The following BRCA1 variants were observed in gnomAD, a reference collection of about 807,000 sequenced individuals.
The protein encoded by BRCA1 is BRCA1 DNA repair associated, also known as breast cancer type 1 susceptibility protein.
A neutral mutation model predicts 173.7 loss-of-function variants in BRCA1; 140 were observed. That is an observed-to-expected ratio of 0.81 (90% CI 0.70 to 0.93). The LOEUF (loss-of-function observed/expected upper bound fraction) is 0.93. BRCA1 is among the 40% of genes least tolerant of loss of function. BRCA1 has a pLI of 0.00. For missense variants in BRCA1, 1,983 were observed against 2,172.5 expected (o/e 0.91, Z 1.73); for synonymous variants, 662 against 756.0 (o/e 0.88, Z 2.04).
chr17:43,169,896 C>T (rs1375815239), intron 1 of BRCA1: 3 of 433,948 alleles, frequency 6.9e-6, no homozygotes, highest in South Asian at 1.8e-5. Context: ...CTCTACACTG[C>T]AGATGTGGCT....
intron 1 of BRCA1, among the ~76,000 whole-genome samples, chr17:43,150,655 ACATGAATATTCACCTCACC>A (rs2056154756): frequency 6.6e-6 from 1 of 152,042 alleles, no homozygotes; most frequent in Admixed American, 6.5e-5. Flanking sequence ...CTGAATTCAA[ACATGAATATTCACCTCACC>A]CAGTCCTCTG....
At chr17:43,050,479 G>A (rs1009406314) in intron 20 of BRCA1, among the ~76,000 whole-genome samples, 1 of 151,908 alleles carries the variant, frequency 6.6e-6, no homozygotes, top group Non-Finnish European at 1.5e-5. Flanking sequence ...CGGGCGTGGT[G>A]GCACACGCCT....
At chr17:43,145,986 G>T (rs1158952214) in intron 1 of BRCA1, among the ~76,000 whole-genome samples, 1 of 152,018 alleles carries the variant, frequency 6.6e-6, no homozygotes, top group African/African-American at 2.4e-5. Context: ...TAGTAGAATT[G>T]TTTCCTAAAG....
At chr17:43,066,071 C>T (rs1438482204) in intron 16 of BRCA1, among the ~76,000 whole-genome samples, 2 of 152,174 alleles carry the variant, frequency 1.3e-5, no homozygotes, top group East Asian at 3.8e-4. Flanking sequence ...TTGGAGAATA[C>T]AGTGGGGCTC....
chr17:43,141,543 C>T (rs138938202), intron 1 of BRCA1, among the ~76,000 whole-genome samples: 212 of 152,098 alleles, frequency 1.4e-3, no homozygotes, highest in African/African-American at 4.4e-3. Context: ...TCACCGGGCA[C>T]GGTGGCTCAC....
In BRCA1 at chr17:43,099,795, G is replaced by A. The variant is rs587782747; in HGVS notation, c.527C>T (p.Thr176Met). The change falls in exon 7 of 23, where the codon ACG becomes ATG. Residue 176 changes from threonine (T) to methionine (M), a missense_variant. Coordinates refer to ENST00000357654, the MANE Select transcript of BRCA1 (RefSeq NM_007294.4). ...CTTACCCAATTCAATGTAGACAGAC[G>A]TCTTTTGAGGTTGTATCCGCTGCTT... ...RTKQRIQPQKTSVYIELGSDS... is the reference protein window; with the variant it reads ...RTKQRIQPQKMSVYIELGSDS... 4 of 1,610,728 alleles carry A rather than the reference G, an allele frequency of 2.5e-6. No homozygotes were observed. The highest frequency in any genetic ancestry group is 2.2e-5 in the South Asian group (2 of 91,004).
chr17:43,143,682 C>A (rs1237290413), intron 1 of BRCA1, among the ~76,000 whole-genome samples: 2 of 152,116 alleles, frequency 1.3e-5, no homozygotes, highest in Non-Finnish European at 2.9e-5. Flanking sequence ...ATCCTTGCGC[C>A]TTCTGCAGCA....
intron 2 of BRCA1, among the ~76,000 whole-genome samples, chr17:43,121,444 G>A (rs549537973): frequency 2.6e-5 from 4 of 151,900 alleles, no homozygotes; most frequent in South Asian, 4.1e-4. Flanking sequence ...CAGCACTTTC[G>A]GAGGCCAAGG....
upstream of BRCA1, among the ~76,000 whole-genome samples, chr17:43,127,742 C>T (rs989549914): frequency 5.9e-5 from 9 of 151,912 alleles, no homozygotes; most frequent in African/African-American, 9.7e-5. Flanking sequence ...CAGGCTGCCC[C>T]GCTGGGTGCC....
At position 43,092,415 on chromosome 17, in the gene BRCA1, G is replaced by A. The variant is rs1173254670; in HGVS notation, c.3116C>T (p.Ala1039Val). The A allele has an allele frequency of 6.2e-7, 1 of 1,613,630 alleles. No homozygotes were observed. Among genetic ancestry groups the A allele is most frequent in the Non-Finnish European group, 8.5e-7 (1 of 1,179,962 alleles). The change falls in exon 10 of 23, where the codon GCC becomes GTC. Residue 1039 changes from alanine (A) to valine (V), a missense_variant. By Grantham distance (64) the Ala-to-Val change is moderately conservative. Transcript: ENST00000357654. ...TACTTCATTAATATTGCTTGAGCTGGCTTCTTTAAAAACATTTTCTCTAAT... is the reference window on the plus strand; with the variant it reads ...TACTTCATTAATATTGCTTGAGCTGACTTCTTTAAAAACATTTTCTCTAAT... ...NNIRENVFKE[A>V]SSSNINEVGS...
chr17:43,100,889 G>A (rs1239462897), intron 6 of BRCA1, among the ~76,000 whole-genome samples: 4 of 149,104 alleles, frequency 2.7e-5, no homozygotes, highest in African/African-American at 7.4e-5. Flanking sequence ...ACACCACCAC[G>A]CCTAGTTAAT....
chr17:43,142,858 C>T (rs1348782924), intron 1 of BRCA1, among the ~76,000 whole-genome samples: 4 of 151,896 alleles, frequency 2.6e-5, no homozygotes, highest in Non-Finnish European at 5.9e-5. Context: ...ATTCTCCTAC[C>T]TCAGCCTCCT....
chr17:43,125,560 T>C (rs1312729353), upstream of BRCA1: 2 of 311,242 alleles, frequency 6.4e-6, no homozygotes, highest in Non-Finnish European at 6.4e-6. Flanking sequence ...TGCCCCCGGA[T>C]GACGTAAAAG....
chr17:43,096,013 CGA>C, intron 8 of BRCA1, 91 bp from the exon 9 acceptor site: 1 of 1,064,238 alleles, frequency 9.4e-7, no homozygotes, highest in Non-Finnish European at 1.4e-6. Context: ...TTAGCTCTTT[CGA>C]TTACAGAAAG....
intron 1 of BRCA1, among the ~76,000 whole-genome samples, chr17:43,146,095 G>A (rs1375230219): frequency 6.6e-6 from 1 of 151,992 alleles, no homozygotes; most frequent in African/African-American, 2.4e-5. Context: ...CTTTGTTATT[G>A]TGAAGTGAAA....
intron 6 of BRCA1, among the ~76,000 whole-genome samples, chr17:43,103,419 A>G (rs1426189731): frequency 1.3e-5 from 2 of 151,092 alleles, no homozygotes; most frequent in African/African-American, 2.4e-5. Context: ...GTGAGCTGAC[A>G]TCGTGTCACT....
chr17:43,137,561 C>T (rs533634866), intron 1 of BRCA1, among the ~76,000 whole-genome samples: 12 of 152,016 alleles, frequency 7.9e-5, no homozygotes, highest in Non-Finnish European at 1.2e-4. Flanking sequence ...GTTCAAGGCT[C>T]GAGATCCACA....
intron 2 of BRCA1, among the ~76,000 whole-genome samples, chr17:43,117,276 C>T (rs762136074): frequency 1.2e-4 from 18 of 152,056 alleles, no homozygotes; most frequent in Admixed American, 2.0e-4. Flanking sequence ...ACCCTGTCTA[C>T]GCTAAAAATA....
chr17:43,097,212 A>G, intron 8 of BRCA1, 32 bp downstream of exon 8: 2 of 1,599,670 alleles, frequency 1.3e-6, no homozygotes, highest in Non-Finnish European at 1.7e-6. Flanking sequence ...GGAAAATACC[A>G]GCTTCATAGA....
Sources: allele counts gnomAD v4.1 joint callset (sites outside exome capture counted in the v4.1 genomes callset), GRCh38; gene constraint gnomAD v4.1.1; transcripts MANE v1.5; gene names NCBI Gene and HGNC (gene_info 2026-07-23, HGNC 2026-07-21).